Variants in CPED1 observed in about 807,000 individuals in gnomAD.
The protein encoded by CPED1 is cadherin like and PC-esterase domain containing 1, also known as cadherin-like and PC-esterase domain-containing protein 1.
CPED1 carries 114 observed loss-of-function variants against 128.2 expected under a neutral mutation model. The observed-to-expected ratio is 0.89, with a 90% CI of 0.76 to 1.04. The LOEUF (loss-of-function observed/expected upper bound fraction) is 1.04, where lower values mean the gene tolerates loss of function less well. Among genes scored for constraint, CPED1 ranks in the 50% least tolerant of loss-of-function variants. CPED1 has a pLI of 0.00. For synonymous variants in CPED1, 462 were observed against 426.7 expected (o/e 1.08, Z -1.02); for missense variants, 1,211 against 1,207.1 (o/e 1.00, Z -0.05).
chr7:121,280,524 A>C (rs1792442040), intron 22 of CPED1, among the ~76,000 whole-genome samples: 1 of 152,186 alleles, frequency 6.6e-6, no homozygotes, highest in Non-Finnish European at 1.5e-5. Context: ...CAATATGCTG[A>C]CTGCAAATCT....
intron 5 of CPED1, among the ~76,000 whole-genome samples, chr7:121,087,391 T>C (rs1477440963): frequency 2.0e-5 from 3 of 152,326 alleles, no homozygotes; most frequent in Non-Finnish European, 4.4e-5. Context: ...TAAATCAGTT[T>C]ATTATTTCCC....
rs538894602 is a variant in CPED1 at position 121,021,387 on chromosome 7, A to G, written c.433+5539A>G. On this transcript the variant is annotated intron_variant, in intron 3 of 22. Coordinates refer to ENST00000310396, the MANE Select transcript of CPED1 (RefSeq NM_024913.5). The stretch of plus-strand genomic sequence containing the variant: ...CACTTGATATTTAGTATAATTTTGA[A>G]GGTTATTTATAGTGGCTACTTGCCA... Among the ~76,000 whole-genome samples, 95 of 152,088 alleles carry G rather than the reference A, an allele frequency of 6.2e-4. No individual in the cohort carries two copies. In the South Asian group the frequency reaches 0.016, roughly 25 times the overall value.
intron 5 of CPED1, among the ~76,000 whole-genome samples, chr7:121,076,109 A>C (rs1394321774): frequency 6.6e-6 from 1 of 152,146 alleles, no homozygotes; most frequent in Non-Finnish European, 1.5e-5. Flanking sequence ...ATTTTGAATG[A>C]AACATGCTAA....
At chr7:121,172,532 T>G (rs543894822) in intron 16 of CPED1, among the ~76,000 whole-genome samples, 1 of 152,060 alleles carries the variant, frequency 6.6e-6, no homozygotes, top group Non-Finnish European at 1.5e-5. Context: ...TTTAAAAACT[T>G]TATATGTTTT....
chr7:121,208,835 T>G (rs1212262901), intron 16 of CPED1, among the ~76,000 whole-genome samples: 1 of 151,992 alleles, frequency 6.6e-6, no homozygotes, highest in Admixed American at 6.6e-5. Flanking sequence ...ATGATTAATA[T>G]TTTTCAGAAA....
At chr7:121,270,340 G>C (rs893938707) in intron 21 of CPED1, among the ~76,000 whole-genome samples, 2 of 152,050 alleles carry the variant, frequency 1.3e-5, no homozygotes, top group African/African-American at 2.4e-5. Flanking sequence ...TAGATTGTCT[G>C]TTTGCTTTGT....
At chr7:121,021,021 A>G (rs532805532) in intron 3 of CPED1, among the ~76,000 whole-genome samples, 8 of 152,030 alleles carry the variant, frequency 5.3e-5, no homozygotes, top group Non-Finnish European at 1.0e-4. Flanking sequence ...AGACATTTCC[A>G]TAAGGGGCTA....
intron 16 of CPED1, among the ~76,000 whole-genome samples, chr7:121,168,729 C>T (rs1401695533): frequency 1.3e-5 from 2 of 152,156 alleles, no homozygotes; most frequent in Non-Finnish European, 2.9e-5. Flanking sequence ...TCTCCTCCAG[C>T]GCTCCACTAC....
At chr7:120,997,606 AT>A (rs1265194905) in intron 2 of CPED1, among the ~76,000 whole-genome samples, 20 of 152,286 alleles carry the variant, frequency 1.3e-4, no homozygotes, top group African/African-American at 4.6e-4. Flanking sequence ...GTGGCCCCTA[AT>A]CCAATATGAC....
At chr7:121,092,038 T>C (rs1794583371) in intron 5 of CPED1, among the ~76,000 whole-genome samples, 3 of 152,188 alleles carry the variant, frequency 2.0e-5, no homozygotes, top group Non-Finnish European at 4.4e-5. Context: ...GCCTTCCTTT[T>C]GGCTGTCTGC....
At chr7:121,101,932 A>G (rs1457542268) in intron 7 of CPED1, among the ~76,000 whole-genome samples, 1 of 152,116 alleles carries the variant, frequency 6.6e-6, no homozygotes. Flanking sequence ...ATATTTCAAC[A>G]TGAGATTTGG....
intron 16 of CPED1, among the ~76,000 whole-genome samples, chr7:121,187,461 A>G (rs1018314757): frequency 2.6e-5 from 4 of 152,166 alleles, no homozygotes; most frequent in African/African-American, 9.6e-5. Context: ...AGAGGGTGAT[A>G]TATGAAGAGG....
At position 120,989,692 on chromosome 7, in the gene CPED1, T is replaced by G; in HGVS notation, c.71T>G (p.Val24Gly). The G allele has an allele frequency of 6.2e-7, 1 of 1,613,984 alleles. No individual in the cohort carries two copies. Among genetic ancestry groups the G allele is most frequent in the Non-Finnish European group, 8.5e-7 (1 of 1,180,006 alleles). The change falls in exon 2 of 23, where the codon GTG (valine) becomes GGG (glycine). Residue 24 changes from valine to glycine, a missense_variant. Coordinates refer to ENST00000310396, the MANE Select transcript of CPED1 (RefSeq NM_024913.5). Reference protein sequence around the residue: ...CPRPFLVGLVVAICLFYQTLT... With the variant: ...CPRPFLVGLVGAICLFYQTLT... ...CGACCCTTCTTGGTGGGCTTAGTGG[T>G]GGCAATCTGTCTCTTCTACCAGACT...
At chr7:121,242,072 G>T (rs924797020) in intron 17 of CPED1, among the ~76,000 whole-genome samples, 1 of 152,116 alleles carries the variant, frequency 6.6e-6, no homozygotes, top group Non-Finnish European at 1.5e-5. Context: ...GTTGAGGTCC[G>T]CAGGGCCAGT....
chr7:121,262,522 A>G (rs925213205), intron 18 of CPED1, among the ~76,000 whole-genome samples: 2 of 152,056 alleles, frequency 1.3e-5, no homozygotes, highest in South Asian at 4.1e-4. Context: ...TCTTCTAAAC[A>G]TGTCTTTGTG....
At chr7:121,128,004 C>T (rs1054200237) in intron 10 of CPED1, among the ~76,000 whole-genome samples, 15 of 152,198 alleles carry the variant, frequency 9.9e-5, no homozygotes, top group Middle Eastern at 3.4e-3. Flanking sequence ...TCCAGATTGA[C>T]GTCAGAGGAC....
At chr7:121,082,936 A>C (rs1166368291) in intron 5 of CPED1, among the ~76,000 whole-genome samples, 1 of 152,186 alleles carries the variant, frequency 6.6e-6, no homozygotes, top group Non-Finnish European at 1.5e-5. Context: ...TGATCCTTTA[A>C]ATTTCTTATT....
intron 16 of CPED1, among the ~76,000 whole-genome samples, chr7:121,173,437 A>C (rs1395368999): frequency 1.3e-5 from 2 of 151,966 alleles, no homozygotes; most frequent in African/African-American, 4.8e-5. Flanking sequence ...CCCAGTATCT[A>C]TTGTTCCTCT....
intron 3 of CPED1, among the ~76,000 whole-genome samples, chr7:121,025,778 T>G (rs374806563): frequency 6.6e-6 from 1 of 152,212 alleles, no homozygotes; most frequent in Non-Finnish European, 1.5e-5. Context: ...TTTTGTACTC[T>G]GCAAATGCAA....
Sources: allele counts gnomAD v4.1 joint callset (sites outside exome capture counted in the v4.1 genomes callset), GRCh38; gene constraint gnomAD v4.1.1; transcripts MANE v1.5; gene names NCBI Gene and HGNC (gene_info 2026-07-23, HGNC 2026-07-21).